ZNF536: variants seen among roughly 807,000 people sequenced by gnomAD.
ZNF536 encodes zinc finger protein 536.
A neutral mutation model predicts 84.5 loss-of-function variants in ZNF536; 13 were observed. That is an observed-to-expected ratio of 0.15 (90% CI 0.10 to 0.24). The LOEUF is 0.24. ZNF536 is among the 10% of genes least tolerant of loss of function. ZNF536 has a pLI of 1.00. For synonymous variants in ZNF536, 811 were observed against 742.5 expected, an observed-to-expected ratio of 1.09 and a Z score of -1.50; for missense variants, 1,536 against 1,747.5, an observed-to-expected ratio of 0.88 and a Z score of 2.16.
intron 1 of ZNF536, among the ~76,000 whole-genome samples, chr19:30,704,726 G>A (rs2052151289): frequency 6.6e-6 from 1 of 151,300 alleles, no homozygotes; most frequent in Non-Finnish European, 1.5e-5. Flanking sequence ...CTCTGGGACT[G>A]CAGCGGCTTC....
intron 2 of ZNF536, among the ~76,000 whole-genome samples, chr19:30,530,251 A>G (rs1029434787): frequency 6.6e-6 from 1 of 152,272 alleles, no homozygotes; most frequent in East Asian, 1.9e-4. Context: ...TTAAAAAATT[A>G]AATAAATCTC....
intron 1 of ZNF536, among the ~76,000 whole-genome samples, chr19:30,259,406 G>C (rs1164068012): frequency 6.6e-6 from 1 of 152,166 alleles, no homozygotes; most frequent in African/African-American, 2.4e-5. Context: ...TGTGGTCCTG[G>C]CGCAACAGCA....
intron 2 of ZNF536, among the ~76,000 whole-genome samples, chr19:30,300,030 C>T (rs77979648): frequency 2.0e-5 from 3 of 152,094 alleles, no homozygotes; most frequent in Admixed American, 1.3e-4. Flanking sequence ...ACTTTTCAGA[C>T]GAGGCAAAAC....
chr19:30,626,036 G>GA (rs1221909676), intron 1 of ZNF536, among the ~76,000 whole-genome samples: 1 of 152,166 alleles, frequency 6.6e-6, no homozygotes, highest in Non-Finnish European at 1.5e-5. Context: ...TATTTACCAA[G>GA]AAAAAAACAT....
chr19:30,414,824 C>CT (rs780156882), intron 1 of ZNF536, among the ~76,000 whole-genome samples: 6 of 152,114 alleles, frequency 3.9e-5, no homozygotes, highest in Admixed American at 1.3e-4. Context: ...AGTCTGAGTC[C>CT]TTTTTTATCT....
intron 3 of ZNF536, among the ~76,000 whole-genome samples, chr19:30,365,604 C>A (rs1434666656): frequency 6.6e-6 from 1 of 152,192 alleles, no homozygotes; most frequent in African/African-American, 2.4e-5. Context: ...CAGCTGACCA[C>A]CAGGTCCCGT....
At chr19:30,241,009 G>A (rs1008049783) in intron 1 of ZNF536, among the ~76,000 whole-genome samples, 1 of 152,134 alleles carries the variant, frequency 6.6e-6, no homozygotes, top group Non-Finnish European at 1.5e-5. Flanking sequence ...TCTGGTGGGA[G>A]GGAACTGGAA....
intron 1 of ZNF536, among the ~76,000 whole-genome samples, chr19:30,579,009 A>T (rs926360333): frequency 6.6e-6 from 1 of 152,218 alleles, no homozygotes; most frequent in Non-Finnish European, 1.5e-5. Flanking sequence ...CATAGAAATA[A>T]TAATAGTATC....
chr19:30,455,422 G>T (rs528201905), intron 2 of ZNF536, among the ~76,000 whole-genome samples: 6 of 152,046 alleles, frequency 3.9e-5, no homozygotes, highest in Non-Finnish European at 8.8e-5. Context: ...ATTTATCTTG[G>T]CTGGATCCAG....
At chr19:30,469,818 T>C (rs1340174150) in intron 2 of ZNF536, among the ~76,000 whole-genome samples, 2 of 151,954 alleles carry the variant, frequency 1.3e-5, no homozygotes, top group Non-Finnish European at 2.9e-5. Context: ...GGATGGTGCC[T>C]GTCCTGGAAT....
At chr19:30,250,988 G>A (rs1194500123) in intron 1 of ZNF536, among the ~76,000 whole-genome samples, 10 of 151,830 alleles carry the variant, frequency 6.6e-5, no homozygotes, top group Admixed American at 5.3e-4. Flanking sequence ...GATGTTACAC[G>A]GGGTTTAGGT....
intron 1 of ZNF536, among the ~76,000 whole-genome samples, chr19:30,234,077 G>GCA (rs2023283032): frequency 6.6e-6 from 1 of 152,242 alleles, no homozygotes; most frequent in Admixed American, 6.5e-5. Flanking sequence ...AGGAAAGTCA[G>GCA]TCTATAAGGT....
intron 1 of ZNF536, among the ~76,000 whole-genome samples, chr19:30,255,929 A>C (rs554900000): frequency 6.6e-6 from 1 of 152,316 alleles, no homozygotes; most frequent in South Asian, 2.1e-4. Flanking sequence ...TGCAGTGCTC[A>C]GGGGTGATTA....
intron 1 of ZNF536, among the ~76,000 whole-genome samples, chr19:30,410,850 A>T (rs2050465771): frequency 6.6e-6 from 1 of 152,222 alleles, no homozygotes; most frequent in Non-Finnish European, 1.5e-5. Flanking sequence ...ATAATTTTTC[A>T]TGGATTGGCA....
rs554031722 is a variant in ZNF536 at position 30,333,526 on chromosome 19, C to T, written c.-119-18842C>T. ...CTCTTCATCTTCACCTTCCTGCCTG[C>T]GGCTGTCTTTGTCTGGGGCTTCCTG... is the stretch of plus-strand genomic sequence containing the variant. On this transcript the variant is annotated intron_variant, in intron 2 of 5. Transcript: ENST00000585628. 5.3e-5 allele frequency among the ~76,000 whole-genome samples: 8 copies of T among 152,254 alleles called. No homozygotes were observed. The South Asian group carries it at 1.2e-3, about 24-fold the overall frequency.
At chr19:30,620,540 G>A (rs564141123) in intron 1 of ZNF536, among the ~76,000 whole-genome samples, 13 of 152,186 alleles carry the variant, frequency 8.5e-5, no homozygotes, top group African/African-American at 3.1e-4. Context: ...TGCCATCCAG[G>A]GGTCTGTGGG....
intron 1 of ZNF536, among the ~76,000 whole-genome samples, chr19:30,615,700 A>G (rs1242939009): frequency 6.6e-6 from 1 of 152,264 alleles, no homozygotes; most frequent in Middle Eastern, 3.4e-3. Context: ...AAAAAGCTAC[A>G]TTAAGTTTAT....
intron 2 of ZNF536, among the ~76,000 whole-genome samples, chr19:30,505,425 T>C (rs1362693620): frequency 6.8e-6 from 1 of 148,086 alleles, no homozygotes; most frequent in Non-Finnish European, 1.5e-5. Context: ...ATATCTTATA[T>C]AGTTATATTA....
chr19:30,284,485 C>T (rs748732694), intron 2 of ZNF536, among the ~76,000 whole-genome samples: 2 of 152,220 alleles, frequency 1.3e-5, no homozygotes, highest in Non-Finnish European at 2.9e-5. Flanking sequence ...CGAGTGACCT[C>T]GTCCAAGTGC....
Sources: allele counts gnomAD v4.1 joint callset (sites outside exome capture counted in the v4.1 genomes callset), GRCh38; gene constraint gnomAD v4.1.1; transcripts MANE v1.5; gene names NCBI Gene and HGNC (gene_info 2026-07-23, HGNC 2026-07-21).